Variants in KMT2A observed in about 807,000 individuals in gnomAD.
KMT2A encodes lysine methyltransferase 2A, also known as histone-lysine N-methyltransferase 2A.
Under a neutral mutation model 345.3 loss-of-function variants are expected in KMT2A, and 16 were observed. That is an observed-to-expected ratio of 0.05 (90% CI 0.03 to 0.07). KMT2A has a LOEUF of 0.07. KMT2A is among the 10% of genes least tolerant of loss of function. The pLI, the probability that KMT2A is intolerant of heterozygous loss-of-function variation, is 1.00. For missense variants in KMT2A, 3,272 were observed against 4,841.6 expected, an observed-to-expected ratio of 0.68 and a Z score of 9.62; for synonymous variants, 1,599 against 1,778.6, an observed-to-expected ratio of 0.90 and a Z score of 2.54.
chr11:118,475,628 C>A (rs1250778687), intron 3 of KMT2A, among the ~76,000 whole-genome samples: 1 of 152,050 alleles, frequency 6.6e-6, no homozygotes, highest in Non-Finnish European at 1.5e-5. Context: ...GAGGCTGAGG[C>A]AGGAGAATCG....
chr11:118,520,955 G>T lies in KMT2A; in HGVS notation c.11513+70G>T. 8.6e-7 allele frequency: 1 copy of T among 1,164,724 alleles called. No homozygotes were observed. Among genetic ancestry groups the T allele is most frequent in the Non-Finnish European group, 1.3e-6 (1 of 774,444 alleles). The allele number at this position is 1,164,724 out of a possible 1,614,324, so 72.1% of individuals were successfully genotyped here. On this transcript the variant is annotated intron_variant, in intron 34 of 35. Transcript: ENST00000534358. The surrounding 1 kb of genome is among the most constrained non-coding windows in gnomAD (Gnocchi z 4.3). The stretch of plus-strand genomic sequence containing the variant: ...TTTTCAAAATCAAAGCAGACCAAAT[G>T]CTGGAGTGACCTTCCTCACTCAGTA...
intron 1 of KMT2A, among the ~76,000 whole-genome samples, chr11:118,465,443 A>T (rs1555033909): frequency 2.0e-5 from 3 of 152,178 alleles, no homozygotes; most frequent in African/African-American, 7.2e-5. Flanking sequence ...TTATCTTTTA[A>T]TTCCATTTTC....
At position 118,496,181 on chromosome 11, in the gene KMT2A, T is replaced by G; in HGVS notation, c.5558-80T>G. On this transcript the variant is annotated intron_variant, in intron 19 of 35. Coordinates refer to ENST00000534358, the MANE Select transcript of KMT2A (RefSeq NM_001197104.2). The surrounding 1 kb of genome is among the most constrained non-coding windows in gnomAD (Gnocchi z 4.7). ...TGGGCTATGTAAGCTGAATTATTTC[T>G]TTTTTCCTTGAAATCAGACATAGTA... is the stretch of plus-strand genomic sequence containing the variant. 1 of 1,085,756 alleles carries G rather than the reference T, an allele frequency of 9.2e-7. No homozygotes were observed. The highest frequency in any genetic ancestry group is 1.3e-5 in the South Asian group (1 of 77,814). The allele number at this position is 1,085,756 out of a possible 1,614,324, so 67.3% of individuals were successfully genotyped here.
intron 28 of KMT2A, chr11:118,507,843 G>A (rs1349555481): frequency 3.4e-5 from 14 of 408,416 alleles, no homozygotes; most frequent in East Asian, 2.3e-4. Context: ...GGCGCCTGTA[G>A]TCCCAGCCAC....
At chr11:118,452,209 A>C (rs73020226) in intron 1 of KMT2A, among the ~76,000 whole-genome samples, 3,072 of 152,290 alleles carry the variant, frequency 0.02, 50 homozygotes, top group Non-Finnish European at 0.033. Context: ...TCTGGCTCTG[A>C]ATCAGGAGAT....
At chr11:118,486,134 A>G (rs1555040819) in intron 10 of KMT2A, among the ~76,000 whole-genome samples, 1 of 152,340 alleles carries the variant, frequency 6.6e-6, no homozygotes, top group Non-Finnish European at 1.5e-5. Flanking sequence ...GAAGTCCTAA[A>G]GATAATATAT....
rs782469193 is a variant in KMT2A at position 118,436,797 on chromosome 11, A to ATCGTCC, written c.288_293dup (p.Ser97_Ser98dup). The ATCGTCC allele has an allele frequency of 6.2e-7, 1 of 1,606,704 alleles. No individual in the cohort carries two copies. The highest frequency in any genetic ancestry group is 8.5e-7 in the Non-Finnish European group (1 of 1,177,002). Reference sequence around the variant, plus strand: ...CGTCCGCCTCGTCTTCGTCTTCGTCATCGTCCTCAGCCTCTTCAGGGCCGG... The same window carrying ATCGTCC: ...CGTCCGCCTCGTCTTCGTCTTCGTCATCGTCCTCGTCCTCAGCCTCTTCAGGGCCGG... On this transcript the variant is annotated inframe_insertion, in exon 1 of 36. Coordinates refer to ENST00000534358, the MANE Select transcript of KMT2A (RefSeq NM_001197104.2). The surrounding 1 kb of genome is among the most constrained non-coding windows in gnomAD (Gnocchi z 6.9).
At chr11:118,468,081 C>A (rs1424089179) in intron 1 of KMT2A, among the ~76,000 whole-genome samples, 1 of 151,938 alleles carries the variant, frequency 6.6e-6, no homozygotes, top group Non-Finnish European at 1.5e-5. Context: ...CCAACTATAA[C>A]TGAAAATAGG....
At chr11:118,454,265 A>G (rs1281020865) in intron 1 of KMT2A, among the ~76,000 whole-genome samples, 1 of 152,222 alleles carries the variant, frequency 6.6e-6, no homozygotes, top group Non-Finnish European at 1.5e-5. Flanking sequence ...TGGCCAACAA[A>G]GCCACACGTA....
At chr11:118,442,505 C>A (rs1949335490) in intron 1 of KMT2A, among the ~76,000 whole-genome samples, 1 of 152,092 alleles carries the variant, frequency 6.6e-6, no homozygotes, top group Non-Finnish European at 1.5e-5. Context: ...AAAATATTGT[C>A]GTGGAGTAAA....
rs1202827611 is a variant in KMT2A, at chr11:118,503,933, G to A, written c.8041G>A (p.Asp2681Asn). 6.2e-6 allele frequency: 10 copies of A among 1,614,028 alleles called. No individual in the cohort carries two copies. The highest frequency in any genetic ancestry group is 1.7e-5 in the Admixed American group (1 of 60,004). The change falls in exon 27 of 36, where the codon GAC becomes AAC. Residue 2681 changes from aspartate to asparagine, a missense_variant. This residue lies in a region of KMT2A where 47 missense variants were observed against 53.6 expected (regional missense o/e 0.88). Coordinates refer to ENST00000534358, the MANE Select transcript of KMT2A (RefSeq NM_001197104.2). The surrounding 1 kb of genome is among the most constrained non-coding windows in gnomAD (Gnocchi z 5.3). ...ADDLSTSDED[D>N]LYYYNFTRTV... ...TGACTTAAGCACTTCAGATGAAGAC[G>A]ACTTATACTATTACAACTTCACTAG... is the stretch of plus-strand genomic sequence containing the variant.
rs781896383 is a variant in KMT2A, at chr11:118,505,899, G to A, written c.10007G>A (p.Gly3336Asp). Residue 3336 changes from glycine to aspartate, a missense_variant, in exon 27 of 36, where the codon GGC becomes GAC. By Grantham distance (94) the Gly-to-Asp change is moderately conservative. Transcript: ENST00000534358. This position sits in a 1 kb window ranked among gnomAD's most constrained non-coding sequence, Gnocchi z 4.6. ...CACCTCACATCAGGGTCTGTGTCTG[G>A]CTTGGCATCCAGTTCCTCTGTCTTG... Reference protein sequence around the residue: ...TSHLTSGSVSGLASSSSVLNV... With the variant: ...TSHLTSGSVSDLASSSSVLNV... 1.9e-6 allele frequency: 3 copies of A among 1,614,150 alleles called. No homozygotes were observed. In the Admixed American group the frequency reaches 5.0e-5, roughly 27 times the overall value.
chr11:118,477,498 C>CTTTTTTTTTTTTT lies in KMT2A; in HGVS notation c.3335-454_3335-442dup. ...CTTTCATCAAGATGCAAGTTATTGGCTTTTTTTTTTTTTTTTTTTTTTTTT... is the reference window on the plus strand; with the variant it reads ...CTTTCATCAAGATGCAAGTTATTGGCTTTTTTTTTTTTTTTTTTTTTTTTTTTTTTTTTTTTTT... On this transcript the variant is annotated intron_variant, in intron 4 of 35. Coordinates refer to ENST00000534358, the MANE Select transcript of KMT2A (RefSeq NM_001197104.2). Among the ~76,000 whole-genome samples the CTTTTTTTTTTTTT allele has an allele frequency of 1.4e-3, 77 of 56,944 alleles. 24 individuals are homozygous for CTTTTTTTTTTTTT. The highest frequency in any genetic ancestry group is 4.0e-3 in the African/African-American group (52 of 12,984). The allele number at this position is 56,944 out of a possible 152,430, so 37.4% of individuals were successfully genotyped here.
chr11:118,446,138 C>A (rs1949416477), intron 1 of KMT2A, among the ~76,000 whole-genome samples: 1 of 152,062 alleles, frequency 6.6e-6, no homozygotes, highest in Non-Finnish European at 1.5e-5. Context: ...CACTTGAGGT[C>A]AGGAGTTTGA....
chr11:118,494,507 C>T lies in KMT2A; in HGVS notation c.5289+109C>T. 1.2e-6 allele frequency: 1 copy of T among 832,040 alleles called. No individual in the cohort carries two copies. Among genetic ancestry groups the T allele is most frequent in the South Asian group, 1.6e-5 (1 of 61,274 alleles). 51.5% of individuals were successfully genotyped at this position (832,040 alleles called of 1,614,324 possible). ...TTTTTGCTTTGTGGTGTGTATAAAA[C>T]ATCTTTGGTTTAATTTGATCCCCTG... On this transcript the variant is annotated intron_variant, in intron 17 of 35. Transcript: ENST00000534358. The surrounding 1 kb of genome is among the most constrained non-coding windows in gnomAD (Gnocchi z 5.8).
rs146605094 is a variant in KMT2A, at chr11:118,443,620, A to G, written c.432+6676A>G. Among the ~76,000 whole-genome samples the G allele has an allele frequency of 1.3e-4, 20 of 152,334 alleles. No homozygotes were observed. The South Asian group carries it at 2.3e-3, about 17-fold the overall frequency. The stretch of plus-strand genomic sequence containing the variant: ...GATGTTGAATTGAATGTATTGCCCT[A>G]ATGAGTTTTAGTTTTAAGGAAACAA... On this transcript the variant is annotated intron_variant, in intron 1 of 35. Coordinates refer to ENST00000534358, the MANE Select transcript of KMT2A (RefSeq NM_001197104.2).
In KMT2A at chr11:118,520,905, A is replaced by G. The variant is rs1950952065; in HGVS notation, c.11513+20A>G. ...CTACAGGTATGACTAAAATTCTAGA[A>G]AGAATTACAGAAAACGAATGCAGTT... On this transcript the variant is annotated intron_variant, in intron 34 of 35. Coordinates refer to ENST00000534358, the MANE Select transcript of KMT2A (RefSeq NM_001197104.2). The surrounding 1 kb of genome is among the most constrained non-coding windows in gnomAD (Gnocchi z 4.3). The G allele has an allele frequency of 6.4e-7, 1 of 1,566,326 alleles. No homozygotes were observed. Among genetic ancestry groups the G allele is most frequent in the African/African-American group, 1.4e-5 (1 of 73,954 alleles).
Position 118,503,093 on chromosome 11 carries a change from G to C in KMT2A, c.7201G>C (p.Glu2401Gln), listed in dbSNP as rs2134389973. ...SANSSPDEDT[E>Q]VKTLKLSGMS... Reference sequence around the variant, plus strand: ...AAACTCCTCTCCAGATGAAGATACTGAAGTCAAAACCTTGAAGCTATCTGG... The same window carrying C: ...AAACTCCTCTCCAGATGAAGATACTCAAGTCAAAACCTTGAAGCTATCTGG... The change falls in exon 27 of 36, where the codon GAA (glutamate) becomes CAA (glutamine). Residue 2401 changes from glutamate to glutamine, a missense_variant. By Grantham distance (29) the Glu-to-Gln change is conservative (BLOSUM62 2). Coordinates refer to ENST00000534358, the MANE Select transcript of KMT2A (RefSeq NM_001197104.2). This position sits in a 1 kb window ranked among gnomAD's most constrained non-coding sequence, Gnocchi z 5.3. 3 of 1,613,030 alleles carry C rather than the reference G, an allele frequency of 1.9e-6. No homozygotes were observed. Among genetic ancestry groups the C allele is most frequent in the Non-Finnish European group, 2.5e-6 (3 of 1,179,992 alleles).
rs781798587 is a variant in KMT2A at position 118,474,029 on chromosome 11, A to C, written c.2870A>C (p.Lys957Thr). The change falls in exon 3 of 36, where the codon AAA becomes ACA. Residue 957 changes from lysine to threonine, a missense_variant. Lys to Thr is a moderately conservative substitution (Grantham distance 78). Around this residue, in one of 27 missense-constraint regions of KMT2A, gnomAD observed 209 missense variants for 237.4 expected, o/e 0.88. Coordinates refer to ENST00000534358, the MANE Select transcript of KMT2A (RefSeq NM_001197104.2). ...ACTCTTGGGGATACAACAGCTGTCA[A>C]AACCAAAATACTTATAAAGAAAGGG... ...SVTLGDTTAVKTKILIKKGRG... is the reference protein window; with the variant it reads ...SVTLGDTTAVTTKILIKKGRG... The C allele has an allele frequency of 2.5e-6, 4 of 1,613,798 alleles. No individual in the cohort carries two copies. The Admixed American group carries it at 6.7e-5, about 27-fold the overall frequency.
Sources: gnomAD v4.1 joint callset for allele counts (sites outside exome capture counted in the v4.1 genomes callset) on GRCh38, gnomAD v4.1.1 for gene constraint, gnomAD v4.1.1 regional missense constraint, Gnocchi (gnomAD v3.1) non-coding constraint, MANE v1.5 for transcripts, NCBI Gene and HGNC (gene_info 2026-07-23, HGNC 2026-07-21) for gene names.